Variants in ABCC9 observed in about 807,000 individuals in gnomAD.
The protein encoded by ABCC9 is ATP binding cassette subfamily C member 9, also known as ATP-binding cassette sub-family C member 9.
A neutral mutation model predicts 188.3 loss-of-function variants in ABCC9; 95 were observed. The ratio of observed to expected loss-of-function variants is 0.50; its 90% CI spans 0.43 to 0.60. The LOEUF is 0.60. Among genes scored for constraint, ABCC9 ranks in the 20% least tolerant of loss-of-function variants. The probability of loss-of-function intolerance (pLI) is 0.00; values close to 1 mark genes in which losing one functional copy is unlikely to be tolerated. For synonymous variants in ABCC9, 659 were observed against 652.7 expected (o/e 1.01, Z -0.15); for missense variants, 1,102 against 1,876.3 (o/e 0.59, Z 7.62).
intron 12 of ABCC9, among the ~76,000 whole-genome samples, chr12:21,903,645 CAG>C (rs1225690481): frequency 7.2e-5 from 11 of 152,238 alleles, no homozygotes; most frequent in Admixed American, 3.9e-4. Context: ...AGTAGACAAA[CAG>C]AGAGCCAAAT....
chr12:21,895,416 A>G (rs1231710296), intron 12 of ABCC9, 101 bp from the exon 13 acceptor site: 4 of 1,020,670 alleles, frequency 3.9e-6, no homozygotes, highest in Non-Finnish European at 6.1e-6. Context: ...GAAGACAGGA[A>G]GGACAAAGAG....
intron 30 of ABCC9, among the ~76,000 whole-genome samples, chr12:21,836,473 A>G (rs1944101836): frequency 6.6e-6 from 1 of 152,080 alleles, no homozygotes; most frequent in Non-Finnish European, 1.5e-5. Context: ...TCTTCTTTCA[A>G]TATTCTATCT....
At chr12:21,916,638 T>C (rs1030355715) in intron 6 of ABCC9, among the ~76,000 whole-genome samples, 2 of 152,202 alleles carry the variant, frequency 1.3e-5, no homozygotes, top group Admixed American at 1.3e-4. Context: ...CAATCATGGA[T>C]GATTGAACTT....
At chr12:21,908,561 A>C (rs1387657318) in intron 10 of ABCC9, among the ~76,000 whole-genome samples, 2 of 151,896 alleles carry the variant, frequency 1.3e-5, no homozygotes, top group East Asian at 1.9e-4. Context: ...AAAGGGCATA[A>C]ATTTTTTCTT....
At chr12:21,864,400 G>C in intron 19 of ABCC9, 39 bp downstream of exon 19, 1 of 1,404,584 alleles carries the variant, frequency 7.1e-7, no homozygotes, top group Non-Finnish European at 1.0e-6. Context: ...GAGGAAGGAA[G>C]TTATTCTTAT....
At chr12:21,904,481 G>A (rs1282454413) in intron 12 of ABCC9, among the ~76,000 whole-genome samples, 2 of 152,110 alleles carry the variant, frequency 1.3e-5, no homozygotes, top group Non-Finnish European at 2.9e-5. Context: ...TACCATCAAA[G>A]CAAACAGGCA....
Position 21,872,592 on chromosome 12 carries a change from A to G in ABCC9, c.2198+33T>C, listed in dbSNP as rs1173231582. ...CTTGGAAGATTATCAGATGTATGAC[A>G]TAGCAATGGAAGCCAACTAAAAATA... On this transcript the variant is annotated intron_variant, in intron 18 of 39. Transcript: ENST00000261200. The G allele has an allele frequency of 4.1e-6, 6 of 1,458,592 alleles. No homozygotes were observed. The East Asian group carries it at 1.1e-4, about 28-fold the overall frequency. The allele number at this position is 1,458,592 out of a possible 1,614,324, so 90.4% of individuals were successfully genotyped here.
At chr12:21,824,747 C>G (rs1387382649) in intron 31 of ABCC9, among the ~76,000 whole-genome samples, 1 of 152,096 alleles carries the variant, frequency 6.6e-6, no homozygotes, top group Non-Finnish European at 1.5e-5. Context: ...GAAATTTATT[C>G]ATTTCTTCTA....
chr12:21,841,367 T>C (rs1001883666), intron 29 of ABCC9, among the ~76,000 whole-genome samples: 27 of 137,014 alleles, frequency 2.0e-4, no homozygotes, highest in Non-Finnish European at 3.8e-4. Context: ...TTTTTTTTTT[T>C]TTTTTTTTTG....
intron 12 of ABCC9, among the ~76,000 whole-genome samples, chr12:21,903,326 C>A (rs1947865600): frequency 6.6e-6 from 1 of 152,112 alleles, no homozygotes; most frequent in Non-Finnish European, 1.5e-5. Flanking sequence ...CAATATCATA[C>A]CGAATAGGCA....
At chr12:21,822,550 A>T (rs939391181) in intron 31 of ABCC9, among the ~76,000 whole-genome samples, 6 of 152,134 alleles carry the variant, frequency 3.9e-5, no homozygotes, top group Non-Finnish European at 8.8e-5. Context: ...CTGTAATCCC[A>T]GCACTTTGGG....
intron 5 of ABCC9, among the ~76,000 whole-genome samples, chr12:21,919,189 T>A (rs1948713260): frequency 6.6e-6 from 1 of 150,380 alleles, no homozygotes; most frequent in African/African-American, 2.4e-5. Flanking sequence ...TAGAGATGAG[T>A]AGAAAGCAAT....
chr12:21,923,878 A>G (rs1464778639), intron 5 of ABCC9: 3 of 692,796 alleles, frequency 4.3e-6, no homozygotes, highest in East Asian at 2.7e-5. Context: ...ACAGATGTCT[A>G]TTAACAAGGG....
intron 20 of ABCC9, among the ~76,000 whole-genome samples, chr12:21,861,762 G>C (rs2137511275): frequency 6.6e-6 from 1 of 152,244 alleles, no homozygotes; most frequent in South Asian, 2.1e-4. Flanking sequence ...CGAAGTTTAA[G>C]GAACTTGAGA....
intron 31 of ABCC9, among the ~76,000 whole-genome samples, chr12:21,819,742 G>A (rs576149276): frequency 6.6e-6 from 1 of 151,846 alleles, no homozygotes; most frequent in Non-Finnish European, 1.5e-5. Flanking sequence ...TTAAAAATGT[G>A]TATGCATCAT....
At position 21,882,888 on chromosome 12, in the gene ABCC9, G is replaced by T. The variant is rs1946690384; in HGVS notation, c.1912-15C>A. 1 of 1,588,692 alleles carries T rather than the reference G, an allele frequency of 6.3e-7. No individual in the cohort carries two copies. The highest frequency in any genetic ancestry group is 1.3e-5 in the African/African-American group (1 of 74,284). ...GTTTTTGGCTGCTGCATTCCAAATG[G>T]AAAAGAACACAAGTTGAGGCTTTAT... On this transcript the variant is annotated splice_polypyrimidine_tract_variant and intron_variant, in intron 15 of 39. Transcript: ENST00000261200.
chr12:21,893,389 G>C (rs1947262434), intron 14 of ABCC9, among the ~76,000 whole-genome samples: 1 of 152,160 alleles, frequency 6.6e-6, no homozygotes, highest in Non-Finnish European at 1.5e-5. Context: ...TAAATGTGAT[G>C]ATGTGAACAT....
chr12:21,809,121 T>C (rs1202312360), intron 37 of ABCC9, among the ~76,000 whole-genome samples: 2 of 152,180 alleles, frequency 1.3e-5, no homozygotes, highest in East Asian at 3.9e-4. Flanking sequence ...ATTGCTTTCT[T>C]AGATGAGTTA....
intron 31 of ABCC9, 103 bp from the exon 32 acceptor site, chr12:21,818,354 A>G: frequency 1.2e-6 from 1 of 864,276 alleles, no homozygotes; most frequent in Non-Finnish European, 2.0e-6. Context: ...ACATCATTCC[A>G]TGTGTGTCCT....
Sources: allele counts gnomAD v4.1 joint callset (sites outside exome capture counted in the v4.1 genomes callset), GRCh38; gene constraint gnomAD v4.1.1; transcripts MANE v1.5; gene names NCBI Gene and HGNC (gene_info 2026-07-23, HGNC 2026-07-21).